RTTN: variants seen among roughly 807,000 people sequenced by gnomAD.
RTTN encodes rotatin.
In RTTN, 182 loss-of-function variants were observed where a neutral mutation model predicts 269.2. The ratio of observed to expected loss-of-function variants is 0.68; its 90% CI spans 0.60 to 0.76. The LOEUF (loss-of-function observed/expected upper bound fraction) is 0.76, where lower values mean the gene tolerates loss of function less well. Among genes scored for constraint, RTTN ranks in the 30% least tolerant of loss-of-function variants. The pLI, the probability that RTTN is intolerant of heterozygous loss-of-function variation, is 0.00. For missense variants in RTTN, 2,545 were observed against 2,608.6 expected, an observed-to-expected ratio of 0.98 and a Z score of 0.53; for synonymous variants, 1,006 against 963.5, an observed-to-expected ratio of 1.04 and a Z score of -0.82.
At chr18:70,170,550 G>C (rs1017090108) in intron 11 of RTTN, among the ~76,000 whole-genome samples, 2 of 152,154 alleles carry the variant, frequency 1.3e-5, no homozygotes, top group African/African-American at 4.8e-5. Flanking sequence ...TTATAGAAGA[G>C]GGAAGAGCAA....
At chr18:70,044,984 T>C (rs1358620673) in intron 40 of RTTN, among the ~76,000 whole-genome samples, 1 of 152,218 alleles carries the variant, frequency 6.6e-6, no homozygotes, top group Non-Finnish European at 1.5e-5. Context: ...CTACTGTATC[T>C]TCATAAACTA....
At chr18:70,049,277 A>C (rs1479949059) in intron 39 of RTTN, among the ~76,000 whole-genome samples, 2 of 152,226 alleles carry the variant, frequency 1.3e-5, no homozygotes, top group East Asian at 3.8e-4. Flanking sequence ...AGATTTATCT[A>C]ATGTGGGTAG....
intron 35 of RTTN, 142 bp downstream of exon 35, chr18:70,065,687 A>G: frequency 2.2e-6 from 1 of 455,942 alleles, no homozygotes; most frequent in Non-Finnish European, 3.9e-6. Flanking sequence ...TTTCTGATAT[A>G]TTGGTTCTAA....
chr18:70,182,085 G>A (rs2061433005), intron 10 of RTTN, among the ~76,000 whole-genome samples: 1 of 152,108 alleles, frequency 6.6e-6, no homozygotes, highest in Admixed American at 6.6e-5. Context: ...TCTTCAATAT[G>A]TGAAAAATCT....
intron 14 of RTTN, among the ~76,000 whole-genome samples, chr18:70,157,948 T>C (rs975827678): frequency 4.0e-5 from 6 of 151,390 alleles, no homozygotes; most frequent in African/African-American, 1.5e-4. Context: ...TATGGGATTA[T>C]GTAAACAAAA....
intron 10 of RTTN, among the ~76,000 whole-genome samples, chr18:70,180,400 G>A (rs974841474): frequency 3.9e-5 from 6 of 152,074 alleles, no homozygotes; most frequent in African/African-American, 1.4e-4. Context: ...TGGCCAATCT[G>A]GCAAAACCCA....
In RTTN at chr18:70,142,980, G is replaced by A. The variant is rs1314273997; in HGVS notation, c.2482-593C>T. Among the ~76,000 whole-genome samples, 9 of 152,076 alleles carry A rather than the reference G, an allele frequency of 5.9e-5. No individual in the cohort carries two copies. In the East Asian group the frequency reaches 7.7e-4, roughly 13 times the overall value. ...GCGGAGGCGGCAGTGATCCAAGATC[G>A]CACCACTGCACTCCAACCTGGGCAA... is the stretch of plus-strand genomic sequence containing the variant. On this transcript the variant is annotated intron_variant, in intron 18 of 48. Transcript: ENST00000640769.
chr18:70,079,484 T>C (rs1316574923), intron 32 of RTTN, among the ~76,000 whole-genome samples: 1 of 152,074 alleles, frequency 6.6e-6, no homozygotes, highest in Non-Finnish European at 1.5e-5. Flanking sequence ...GCCAGAACAA[T>C]GAAGTCTTTC....
intron 28 of RTTN, among the ~76,000 whole-genome samples, chr18:70,095,524 T>C (rs1195832672): frequency 6.6e-6 from 1 of 152,210 alleles, no homozygotes; most frequent in Non-Finnish European, 1.5e-5. Context: ...CATTTGCTTG[T>C]CTGTAAAGGA....
At chr18:70,099,188 G>T (rs1439606320) in intron 28 of RTTN, among the ~76,000 whole-genome samples, 4 of 152,152 alleles carry the variant, frequency 2.6e-5, no homozygotes, top group African/African-American at 9.7e-5. Flanking sequence ...CACAATGGTT[G>T]AACTAGTTTA....
chr18:70,088,376 G>A (rs547598751), intron 30 of RTTN, among the ~76,000 whole-genome samples: 56 of 152,192 alleles, frequency 3.7e-4, no homozygotes, highest in African/African-American at 1.3e-3. Flanking sequence ...GTAAAACTGG[G>A]TATAAAAAGA....
chr18:70,062,016 A>G (rs552414292), intron 35 of RTTN, among the ~76,000 whole-genome samples: 6 of 152,346 alleles, frequency 3.9e-5, no homozygotes, highest in South Asian at 2.1e-4. Flanking sequence ...TATGAACACA[A>G]TAAGTAGTTT....
At chr18:70,179,141 C>T (rs1350741857) in intron 10 of RTTN, among the ~76,000 whole-genome samples, 1 of 151,952 alleles carries the variant, frequency 6.6e-6, no homozygotes, top group Non-Finnish European at 1.5e-5. Flanking sequence ...ATATTTAAAC[C>T]GAAAGTAGAA....
At chr18:70,068,569 C>T (rs1011991586) in intron 34 of RTTN, among the ~76,000 whole-genome samples, 6 of 152,212 alleles carry the variant, frequency 3.9e-5, no homozygotes, top group African/African-American at 1.2e-4. Flanking sequence ...CTAACTTCAG[C>T]TGCCCCATCC....
intron 14 of RTTN, among the ~76,000 whole-genome samples, chr18:70,153,137 G>T (rs971817104): frequency 6.6e-6 from 1 of 151,798 alleles, no homozygotes; most frequent in Non-Finnish European, 1.5e-5. Context: ...TTTAGTCCAC[G>T]TTACTAGTCA....
intron 32 of RTTN, among the ~76,000 whole-genome samples, chr18:70,082,731 C>T (rs1435088): frequency 0.83 from 126,356 of 152,122 alleles, 55,611 homozygotes; most frequent in East Asian, 1. Context: ...TGTTCTGTCA[C>T]CCAGGCTGCA....
intron 46 of RTTN, among the ~76,000 whole-genome samples, chr18:70,013,174 G>T (rs996979228): frequency 1.3e-5 from 2 of 152,160 alleles, no homozygotes; most frequent in African/African-American, 4.8e-5. Flanking sequence ...GGTTATGGCT[G>T]CAAGTGCTAC....
chr18:70,038,912 T>C (rs2057256579), intron 40 of RTTN, among the ~76,000 whole-genome samples: 1 of 152,204 alleles, frequency 6.6e-6, no homozygotes, highest in Non-Finnish European at 1.5e-5. Flanking sequence ...ACAGAAATTC[T>C]GGAGTTTAAA....
chr18:70,054,168 G>A lies in RTTN; in HGVS notation c.5148C>T (p.Ile1716=). ...DELVKPLITN[I]IGILTICTKD... ...TGGTACATATGGTGAGAATTCCAAT[G>A]ATATTGGTGATAAGAGGTTTCACAA... The change falls in exon 38 of 49, where the codon ATC becomes ATT. Residue 1716 remains isoleucine, a synonymous_variant. Coordinates refer to ENST00000640769, the MANE Select transcript of RTTN (RefSeq NM_173630.4). 1 of 1,613,446 alleles carries A rather than the reference G, an allele frequency of 6.2e-7. No homozygotes were observed. Among genetic ancestry groups the A allele is most frequent in the Non-Finnish European group, 8.5e-7 (1 of 1,179,506 alleles).
Sources: gnomAD v4.1 joint callset for allele counts (sites outside exome capture counted in the v4.1 genomes callset) on GRCh38, gnomAD v4.1.1 for gene constraint, MANE v1.5 for transcripts, NCBI Gene and HGNC (gene_info 2026-07-23, HGNC 2026-07-21) for gene names.